The following TMEM114 variants were observed in gnomAD, a reference collection of about 807,000 sequenced individuals.
TMEM114 encodes transmembrane protein 114.
TMEM114 carries 6 observed loss-of-function variants against 6.2 expected under a neutral mutation model. The ratio of observed to expected loss-of-function variants is 0.97; its 90% CI spans 0.53 to 1.91. The LOEUF (loss-of-function observed/expected upper bound fraction) is 1.91, where lower values mean the gene tolerates loss of function less well. TMEM114 is among the 40% of genes most tolerant of loss of function. The pLI, the probability that TMEM114 is intolerant of heterozygous loss-of-function variation, is 0.01. For synonymous variants in TMEM114, 104 were observed against 73.0 expected (o/e 1.42, Z -2.16); for missense variants, 218 against 158.3 (o/e 1.38, Z -2.02).
intron 2 of TMEM114, among the ~76,000 whole-genome samples, chr16:8,580,621 C>A (rs968440182): frequency 2.0e-5 from 3 of 152,084 alleles, no homozygotes; most frequent in African/African-American, 7.2e-5. Context: ...CAGTTTTTGT[C>A]CATATATTTA....
intron 2 of TMEM114, among the ~76,000 whole-genome samples, chr16:8,541,301 G>C (rs1900509691): frequency 6.6e-6 from 1 of 152,112 alleles, no homozygotes; most frequent in Admixed American, 6.6e-5. Context: ...CCTGGACTCA[G>C]AGCATCATAC....
intron 2 of TMEM114, among the ~76,000 whole-genome samples, chr16:8,546,103 G>C (rs535380785): frequency 1.2e-4 from 19 of 152,274 alleles, no homozygotes; most frequent in African/African-American, 4.3e-4. Context: ...AACAGAGCAA[G>C]ACCGTGTCTC....
chr16:8,540,283 A>G (rs1191321389), intron 2 of TMEM114, among the ~76,000 whole-genome samples: 1 of 152,210 alleles, frequency 6.6e-6, no homozygotes, highest in East Asian at 1.9e-4. Flanking sequence ...TATAGGAGGA[A>G]TAGAACAGTC....
At chr16:8,543,528 C>A (rs1169433815) in intron 2 of TMEM114, among the ~76,000 whole-genome samples, 1 of 152,156 alleles carries the variant, frequency 6.6e-6, no homozygotes, top group African/African-American at 2.4e-5. Flanking sequence ...ACTTGATGTT[C>A]TATCTACTAG....
chr16:8,535,795 T>C (rs1900339681), downstream of TMEM114, among the ~76,000 whole-genome samples: 1 of 152,222 alleles, frequency 6.6e-6, no homozygotes, highest in African/African-American at 2.4e-5. Context: ...CCATGTTTCA[T>C]GTGCTGCCTG....
At chr16:8,571,255 C>G (rs1217902357) in intron 3 of TMEM114, among the ~76,000 whole-genome samples, 1 of 152,116 alleles carries the variant, frequency 6.6e-6, no homozygotes, top group Non-Finnish European at 1.5e-5. Flanking sequence ...TAGCCATTGT[C>G]TGTCCACCTG....
intron 2 of TMEM114, among the ~76,000 whole-genome samples, chr16:8,572,883 G>T (rs12103064): frequency 6.6e-6 from 1 of 152,200 alleles, no homozygotes; most frequent in Non-Finnish European, 1.5e-5. Context: ...CTCCACAGCC[G>T]TGGGACCTTA....
At chr16:8,568,509 C>T (rs72780535), downstream of TMEM114, among the ~76,000 whole-genome samples, 6,872 of 152,222 alleles carry the variant, frequency 0.045, 198 homozygotes, top group South Asian at 0.11. Context: ...TGGAGAATAG[C>T]ACAGGTGCAT....
At chr16:8,530,352 C>G in the TMEM114 span, among the ~76,000 whole-genome samples, 1 of 152,112 alleles carries the variant, frequency 6.6e-6, no homozygotes, top group East Asian at 1.9e-4. Flanking sequence ...TGGACGTGAC[C>G]CTTTCAGTCT....
chr16:8,546,730 A>G (rs556689202), intron 2 of TMEM114, among the ~76,000 whole-genome samples: 2 of 152,340 alleles, frequency 1.3e-5, no homozygotes, highest in East Asian at 1.9e-4. Context: ...ACTTGTAATT[A>G]TCCCACCTTC....
At chr16:8,544,680 A>T (rs1015040616) in intron 2 of TMEM114, among the ~76,000 whole-genome samples, 2 of 152,170 alleles carry the variant, frequency 1.3e-5, no homozygotes, top group Non-Finnish European at 2.9e-5. Context: ...ACCCCTTTTC[A>T]GTGTTCAGAG....
At chr16:8,542,290 CCT>C (rs1346206854) in intron 2 of TMEM114, among the ~76,000 whole-genome samples, 2 of 152,174 alleles carry the variant, frequency 1.3e-5, no homozygotes, top group African/African-American at 4.8e-5. Context: ...TGTTCTTTTC[CCT>C]GTTTTAACAT....
intron 2 of TMEM114, among the ~76,000 whole-genome samples, chr16:8,542,595 G>A (rs767878061): frequency 1.3e-5 from 2 of 152,152 alleles, no homozygotes; most frequent in East Asian, 1.9e-4. Flanking sequence ...GCTTTATAAC[G>A]TTCTAAATAT....
At chr16:8,542,376 C>G (rs180990220) in intron 2 of TMEM114, among the ~76,000 whole-genome samples, 16 of 152,222 alleles carry the variant, frequency 1.1e-4, no homozygotes, top group Middle Eastern at 6.8e-3. Flanking sequence ...TTTAAAGAAA[C>G]CCAGATAAGG....
At chr16:8,575,296 G>A (rs1901882211) in intron 2 of TMEM114, among the ~76,000 whole-genome samples, 2 of 152,162 alleles carry the variant, frequency 1.3e-5, no homozygotes, top group Non-Finnish European at 2.9e-5. Context: ...AACATATTAA[G>A]AGTGTCTGCT....
Position 8,553,561 on chromosome 16 carries a change from C to A in TMEM114, n.213-15735G>T, listed in dbSNP as rs75805752. 9.5e-4 allele frequency among the ~76,000 whole-genome samples: 145 copies of A among 152,034 alleles called. 1 individual carries two copies. In the South Asian group the frequency reaches 0.012, roughly 13 times the overall value. ...AGTGCAGTGGCACGATCTCGACTCACTGCAAGCTCCACCTCCTGGGTTCAC... is the reference window on the plus strand; with the variant it reads ...AGTGCAGTGGCACGATCTCGACTCAATGCAAGCTCCACCTCCTGGGTTCAC... On this transcript the variant is annotated intron_variant and non_coding_transcript_variant, in intron 2 of 2. Transcript: ENST00000623677.
At chr16:8,567,674 G>GA (rs1357595858), downstream of TMEM114, among the ~76,000 whole-genome samples, 1 of 152,136 alleles carries the variant, frequency 6.6e-6, no homozygotes, top group African/African-American at 2.4e-5. Context: ...AATGTCAGGT[G>GA]GGGGAGAGAA....
chr16:8,554,472 C>T (rs1187699606), intron 2 of TMEM114, among the ~76,000 whole-genome samples: 1 of 152,170 alleles, frequency 6.6e-6, no homozygotes, highest in Non-Finnish European at 1.5e-5. Context: ...TTCTTGACCT[C>T]TCATAGCCCC....
downstream of TMEM114, among the ~76,000 whole-genome samples, chr16:8,568,711 A>T (rs896412406): frequency 6.6e-6 from 1 of 152,180 alleles, no homozygotes; most frequent in Non-Finnish European, 1.5e-5. Flanking sequence ...GCCCTCCCCT[A>T]CATCTCATGA....
Sources: allele counts gnomAD v4.1 joint callset (sites outside exome capture counted in the v4.1 genomes callset), GRCh38; gene constraint gnomAD v4.1.1; transcripts MANE v1.5; gene names NCBI Gene and HGNC (gene_info 2026-07-23, HGNC 2026-07-21).